SMAD2: variants seen among roughly 807,000 people sequenced by gnomAD.
SMAD2 encodes SMAD family member 2, also known as MAD homolog 2.
SMAD2 carries 8 observed loss-of-function variants against 64.4 expected under a neutral mutation model. The ratio of observed to expected loss-of-function variants is 0.12; its 90% CI spans 0.07 to 0.22. The LOEUF is 0.22. SMAD2 is among the 10% of genes least tolerant of loss of function. The probability of loss-of-function intolerance (pLI) is 1.00; values close to 1 mark genes in which losing one functional copy is unlikely to be tolerated. For synonymous variants in SMAD2, 203 were observed against 195.8 expected, an observed-to-expected ratio of 1.04 and a Z score of -0.31; for missense variants, 289 against 561.2, an observed-to-expected ratio of 0.51 and a Z score of 4.90.
rs1568012437 is a variant in SMAD2, at chr18:47,815,298, T to C, written c.*26529A>G. 1 of 152,196 alleles carries C rather than the reference T, an allele frequency of 6.6e-6. No homozygotes were observed. The highest frequency in any genetic ancestry group is 1.5e-5 in the Non-Finnish European group (1 of 68,034). 9.4% of individuals were successfully genotyped at this position (152,196 alleles called of 1,614,324 possible). A position where few individuals can be genotyped will look rare whatever the true frequency, so the allele number is the denominator to read the frequency against. On this transcript the variant is annotated 3_prime_UTR_variant, in exon 11 of 11. Coordinates refer to ENST00000262160, the MANE Select transcript of SMAD2 (RefSeq NM_005901.6). ...AAAACCAGATGGGATGCATGAGAAA[T>C]TGATGTGAAATGAAGGAACTGTAAC...
chr18:47,880,688 T>G (rs1222921556), intron 2 of SMAD2, among the ~76,000 whole-genome samples: 1 of 152,206 alleles, frequency 6.6e-6, no homozygotes, highest in Non-Finnish European at 1.5e-5. Context: ...GTATGTTAGG[T>G]AATTTAGGAT....
At chr18:47,854,680 CATT>C (rs2030500097) in intron 6 of SMAD2, among the ~76,000 whole-genome samples, 1 of 151,842 alleles carries the variant, frequency 6.6e-6, no homozygotes, top group Non-Finnish European at 1.5e-5. Flanking sequence ...TTTAAGGTGA[CATT>C]AAATTGTTTT....
At position 47,831,021 on chromosome 18, in the gene SMAD2, C is replaced by T. The variant is rs373185939; in HGVS notation, c.*10806G>A. ...CCTCATCCTCATTCCACAGGTAGCC[C>T]GTTCTTGGCTGGGTTATGGCTTGTA... On this transcript the variant is annotated 3_prime_UTR_variant, in exon 11 of 11. Coordinates refer to ENST00000262160, the MANE Select transcript of SMAD2 (RefSeq NM_005901.6). 6.6e-6 allele frequency: 1 copy of T among 152,328 alleles called. No homozygotes were observed. The highest frequency in any genetic ancestry group is 1.9e-4 in the East Asian group (1 of 5,200). 9.4% of individuals were successfully genotyped at this position (152,328 alleles called of 1,614,324 possible). A position where few individuals can be genotyped will look rare whatever the true frequency, so the allele number is the denominator to read the frequency against.
chr18:47,886,014 C>T (rs2032882642), intron 2 of SMAD2, among the ~76,000 whole-genome samples: 2 of 152,104 alleles, frequency 1.3e-5, no homozygotes, highest in Non-Finnish European at 2.9e-5. Context: ...AGGTTATATG[C>T]GAATACTATG....
At chr18:47,901,935 T>C (rs1005007428) in intron 1 of SMAD2, among the ~76,000 whole-genome samples, 16 of 152,176 alleles carry the variant, frequency 1.1e-4, no homozygotes, top group African/African-American at 3.6e-4. Flanking sequence ...CAGTGTGTAT[T>C]CACCACTTCC....
intron 7 of SMAD2, among the ~76,000 whole-genome samples, chr18:47,849,329 G>A (rs1408007007): frequency 6.6e-6 from 1 of 151,930 alleles, no homozygotes; most frequent in African/African-American, 2.4e-5. Flanking sequence ...TATATATTTA[G>A]CTTCTGCAGT....
At chr18:47,887,734 T>C (rs2032985709) in intron 2 of SMAD2, among the ~76,000 whole-genome samples, 1 of 152,214 alleles carries the variant, frequency 6.6e-6, no homozygotes, top group African/African-American at 2.4e-5. Flanking sequence ...CCAGCCTTTA[T>C]CTCACTTTTT....
intron 1 of SMAD2, among the ~76,000 whole-genome samples, chr18:47,900,167 T>C (rs1380425404): frequency 6.6e-6 from 1 of 152,172 alleles, no homozygotes; most frequent in South Asian, 2.1e-4. Context: ...TAATGATGTA[T>C]TTAACCCAAT....
At position 47,823,908 on chromosome 18, in the gene SMAD2, T is replaced by G. The variant is rs796364213; in HGVS notation, c.*17919A>C. 3.9e-5 allele frequency: 6 copies of G among 152,296 alleles called. No individual in the cohort carries two copies. The highest frequency in any genetic ancestry group is 1.4e-4 in the African/African-American group (6 of 41,566). 9.4% of individuals were successfully genotyped at this position (152,296 alleles called of 1,614,324 possible). ...AACAGAATAATGCTAGCCCAGCACTTTGAGGGGACAACAAAGGACTAAGGA... is the reference window on the plus strand; with the variant it reads ...AACAGAATAATGCTAGCCCAGCACTGTGAGGGGACAACAAAGGACTAAGGA... On this transcript the variant is annotated 3_prime_UTR_variant, in exon 11 of 11. Coordinates refer to ENST00000262160, the MANE Select transcript of SMAD2 (RefSeq NM_005901.6).
rs147225201 is a variant in SMAD2 at position 47,837,435 on chromosome 18, G to A, written c.*4392C>T. 1.4e-3 allele frequency: 275 copies of A among 199,530 alleles called. 1 individual carries two copies. Among genetic ancestry groups the A allele is most frequent in the African/African-American group, 5.5e-3 (241 of 43,462 alleles). The allele number at this position is 199,530 out of a possible 1,614,324, so 12.4% of individuals were successfully genotyped here. A position where few individuals can be genotyped will look rare whatever the true frequency, so the allele number is the denominator to read the frequency against. The stretch of plus-strand genomic sequence containing the variant: ...AAATTAGCCGAGTGTGGTGGTGGGC[G>A]CCTGTAGTCCCAGCTACTTGGGAGG... On this transcript the variant is annotated 3_prime_UTR_variant, in exon 11 of 11. Coordinates refer to ENST00000262160, the MANE Select transcript of SMAD2 (RefSeq NM_005901.6).
intron 6 of SMAD2, among the ~76,000 whole-genome samples, chr18:47,861,302 C>A (rs1598788809): frequency 6.6e-6 from 1 of 152,012 alleles, no homozygotes; most frequent in East Asian, 1.9e-4. Flanking sequence ...CTAGCCTGGG[C>A]AACAAGAGTG....
At chr18:47,913,939 C>T (rs769979352) in intron 1 of SMAD2, among the ~76,000 whole-genome samples, 1 of 152,300 alleles carries the variant, frequency 6.6e-6, no homozygotes, top group South Asian at 2.1e-4. Context: ...ATCTTTACAG[C>T]TGAATAAGTC....
intron 7 of SMAD2, among the ~76,000 whole-genome samples, chr18:47,849,715 T>A (rs942118830): frequency 3.9e-5 from 6 of 152,054 alleles, no homozygotes; most frequent in Non-Finnish European, 8.8e-5. Context: ...TATACTGTAT[T>A]TTAAAATTTG....
intron 1 of SMAD2, among the ~76,000 whole-genome samples, chr18:47,904,568 T>C (rs994236528): frequency 3.9e-5 from 6 of 152,086 alleles, no homozygotes; most frequent in Non-Finnish European, 8.8e-5. Flanking sequence ...CAAGCCGGCT[T>C]GGGCCCAAGA....
chr18:47,898,273 C>T (rs972826077), intron 1 of SMAD2, among the ~76,000 whole-genome samples: 7 of 152,206 alleles, frequency 4.6e-5, no homozygotes, highest in South Asian at 4.1e-4. Flanking sequence ...CAATGTGCCA[C>T]GTGTTACAAC....
chr18:47,827,670 CG>C lies in SMAD2; in HGVS notation c.*14156del, dbSNP rs1389383318. On this transcript the variant is annotated 3_prime_UTR_variant, in exon 11 of 11. Transcript: ENST00000262160. ...TGGTTTTTGTATTTTTTGGTGGAGA[CG>C]GGGTTTCGCCGTGTTGGCCAGGCTG... is the stretch of plus-strand genomic sequence containing the variant. 6.3e-6 allele frequency: 1 copy of C among 157,790 alleles called. No individual in the cohort carries two copies. Among genetic ancestry groups the C allele is most frequent in the Non-Finnish European group, 1.4e-5 (1 of 71,986 alleles). 9.8% of individuals were successfully genotyped at this position (157,790 alleles called of 1,614,324 possible). A position where few individuals can be genotyped will look rare whatever the true frequency, so the allele number is the denominator to read the frequency against.
intron 3 of SMAD2, 38 bp from the exon 4 acceptor site, chr18:47,869,474 T>TTA: frequency 9.4e-7 from 1 of 1,066,626 alleles, no homozygotes; most frequent in Non-Finnish European, 1.3e-6. Flanking sequence ...GAGGGAACTT[T>TTA]AAAAAAAAAA....
chr18:47,896,745 G>C lies in SMAD2; in HGVS notation c.12C>G (p.Ile4Met). 2 of 1,613,904 alleles carry C rather than the reference G, an allele frequency of 1.2e-6. No individual in the cohort carries two copies. The highest frequency in any genetic ancestry group is 1.7e-6 in the Non-Finnish European group (2 of 1,179,930). Residue 4 changes from isoleucine to methionine, a missense_variant, in exon 2 of 11, where the codon ATC becomes ATG. This residue lies in a region of SMAD2 where 89 missense variants were observed against 137.1 expected (regional missense o/e 0.65). Transcript: ENST00000262160. The part of the protein sequence containing the change: MSS[I>M]LPFTPPVVKR... ...TCACAACTGGCGGCGTGAATGGCAAGATGGACGACATGTTCTTACCAAAGG... is the reference window on the plus strand; with the variant it reads ...TCACAACTGGCGGCGTGAATGGCAACATGGACGACATGTTCTTACCAAAGG...
At position 47,819,942 on chromosome 18, in the gene SMAD2, A is replaced by C. The variant is rs954142512; in HGVS notation, c.*21885T>G. The C allele has an allele frequency of 1.3e-5, 2 of 152,292 alleles. No homozygotes were observed. The highest frequency in any genetic ancestry group is 4.8e-5 in the African/African-American group (2 of 41,408). The allele number at this position is 152,292 out of a possible 1,614,324, so 9.4% of individuals were successfully genotyped here. ...TGTGTGAGTTGGAGTTTGAGGCTGC[A>C]GTGTGCTACAATTGTGCCTGTGAAC... On this transcript the variant is annotated 3_prime_UTR_variant, in exon 11 of 11. Transcript: ENST00000262160.
Sources: gnomAD v4.1 joint callset for allele counts (sites outside exome capture counted in the v4.1 genomes callset) on GRCh38, gnomAD v4.1.1 for gene constraint, gnomAD v4.1.1 regional missense constraint, MANE v1.5 for transcripts, NCBI Gene and HGNC (gene_info 2026-07-23, HGNC 2026-07-21) for gene names.